The following F13A1 variants were observed in gnomAD, a reference collection of about 807,000 sequenced individuals.
F13A1 encodes the protein coagulation factor XIII A chain.
F13A1 carries 47 observed loss-of-function variants against 80.1 expected under a neutral mutation model. The ratio of observed to expected loss-of-function variants is 0.59; its 90% CI spans 0.46 to 0.75. F13A1 has a LOEUF of 0.75. Ranked by LOEUF, F13A1 falls within the 30% of genes least tolerant of loss-of-function variation. F13A1 has a pLI of 0.00. For synonymous variants in F13A1, 349 were observed against 344.9 expected, an observed-to-expected ratio of 1.01 and a Z score of -0.13; for missense variants, 817 against 930.4, an observed-to-expected ratio of 0.88 and a Z score of 1.59.
intron 4 of F13A1, among the ~76,000 whole-genome samples, chr6:6,254,653 T>C (rs992959118): frequency 5.3e-5 from 8 of 152,194 alleles, no homozygotes; most frequent in African/African-American, 1.9e-4. Context: ...CTGGGGATTC[T>C]CTAGGATTGG....
chr6:6,291,029 G>C (rs1014293582), intron 3 of F13A1, among the ~76,000 whole-genome samples: 2 of 152,026 alleles, frequency 1.3e-5, no homozygotes, highest in Non-Finnish European at 1.5e-5. Flanking sequence ...GGAAGACATA[G>C]TCTTAAAGGA....
At chr6:6,297,998 A>G (rs1303745971) in intron 3 of F13A1, among the ~76,000 whole-genome samples, 3,186 of 143,536 alleles carry the variant, frequency 0.022, 101 homozygotes, top group African/African-American at 0.074. Context: ...CCTTCATTTC[A>G]TTATGTATCC....
chr6:6,315,105 C>T (rs185369715), intron 2 of F13A1, among the ~76,000 whole-genome samples: 3 of 152,348 alleles, frequency 2.0e-5, no homozygotes, highest in Admixed American at 2.0e-4. Flanking sequence ...ATTCCAATTA[C>T]TGCTACAAAT....
chr6:6,179,446 C>G, intron 11 of F13A1, among the ~76,000 whole-genome samples: 1 of 152,144 alleles, frequency 6.6e-6, no homozygotes. Context: ...GGTATCTACA[C>G]TCAGCATTTG....
At chr6:6,266,380 C>T (rs1487996332) in intron 4 of F13A1, among the ~76,000 whole-genome samples, 178 bp downstream of exon 4, 2 of 152,116 alleles carry the variant, frequency 1.3e-5, no homozygotes, top group Non-Finnish European at 2.9e-5. Flanking sequence ...TACAGGTGTG[C>T]ACCACCACAC....
At chr6:6,212,745 C>T (rs1390015867) in intron 8 of F13A1, among the ~76,000 whole-genome samples, 1 of 152,142 alleles carries the variant, frequency 6.6e-6, no homozygotes, top group African/African-American at 2.4e-5. Flanking sequence ...TACGGGAGGA[C>T]ATTCAAACCA....
intron 8 of F13A1, 79 bp from the exon 9 acceptor site, chr6:6,197,405 C>T: frequency 7.4e-7 from 1 of 1,357,500 alleles, no homozygotes; most frequent in Non-Finnish European, 1.0e-6. Flanking sequence ...GACGGCCAGG[C>T]ACAGTGGCTC....
chr6:6,150,817 T>C (rs1303556945), intron 14 of F13A1, among the ~76,000 whole-genome samples: 1 of 152,088 alleles, frequency 6.6e-6, no homozygotes, highest in Non-Finnish European at 1.5e-5. Context: ...TGTCACACTT[T>C]AAGAGGAGTA....
chr6:6,150,417 C>T lies in F13A1; in HGVS notation c.2045+1396G>A, dbSNP rs1028812819. Among the ~76,000 whole-genome samples the T allele has an allele frequency of 4.6e-5, 7 of 152,208 alleles. No individual in the cohort carries two copies. The East Asian group carries it at 7.7e-4, about 17-fold the overall frequency. On this transcript the variant is annotated intron_variant, in intron 14 of 14. Transcript: ENST00000264870. ...GGAAGGTTGCTATGTTTTGTGCTTGCGTTGTTTCAAAAGCACTAAGATTAT... is the reference window on the plus strand; with the variant it reads ...GGAAGGTTGCTATGTTTTGTGCTTGTGTTGTTTCAAAAGCACTAAGATTAT...
intron 8 of F13A1, among the ~76,000 whole-genome samples, chr6:6,201,496 G>C (rs1464445288): frequency 6.6e-6 from 1 of 152,136 alleles, no homozygotes; most frequent in Non-Finnish European, 1.5e-5. Context: ...GAACGAGAGG[G>C]TGCTACCTCC....
At chr6:6,176,657 A>G (rs1561644226) in intron 11 of F13A1, among the ~76,000 whole-genome samples, 1 of 152,202 alleles carries the variant, frequency 6.6e-6, no homozygotes, top group Non-Finnish European at 1.5e-5. Flanking sequence ...AGAAAAAGGG[A>G]AGGAGGAGTG....
intron 11 of F13A1, among the ~76,000 whole-genome samples, chr6:6,178,173 G>A (rs1478645117): frequency 6.6e-6 from 1 of 152,058 alleles, no homozygotes; most frequent in African/African-American, 2.4e-5. Flanking sequence ...GTGGAATTGG[G>A]AAGCTAGAGC....
At chr6:6,295,369 AAATT>A in intron 3 of F13A1, among the ~76,000 whole-genome samples, 1 of 123,426 alleles carries the variant, frequency 8.1e-6, no homozygotes, top group Non-Finnish European at 1.7e-5. Flanking sequence ...CAACAGTGTA[AAATT>A]GTTCCTATTT....
chr6:6,307,419 T>C (rs962715102), intron 2 of F13A1, among the ~76,000 whole-genome samples: 18 of 152,326 alleles, frequency 1.2e-4, no homozygotes, highest in African/African-American at 4.3e-4. Flanking sequence ...CTAAGTCCTC[T>C]GGTCTTATTA....
chr6:6,313,583 T>C (rs1043888310), intron 2 of F13A1, among the ~76,000 whole-genome samples: 22 of 152,306 alleles, frequency 1.4e-4, no homozygotes, highest in African/African-American at 5.3e-4. Flanking sequence ...TAGGTTTATA[T>C]ACTAGGAATT....
At chr6:6,303,303 A>G (rs1340290364) in intron 3 of F13A1, among the ~76,000 whole-genome samples, 1 of 152,186 alleles carries the variant, frequency 6.6e-6, no homozygotes, top group African/African-American at 2.4e-5. Flanking sequence ...AGTCCAAAAA[A>G]CCAAAACCAA....
At chr6:6,176,709 C>A (rs567761410) in intron 11 of F13A1, among the ~76,000 whole-genome samples, 1 of 152,308 alleles carries the variant, frequency 6.6e-6, no homozygotes, top group East Asian at 1.9e-4. Context: ...CAGAAATCAT[C>A]TGGCCAATAG....
chr6:6,232,524 T>C (rs937886994), intron 6 of F13A1, among the ~76,000 whole-genome samples: 71 of 152,172 alleles, frequency 4.7e-4, no homozygotes, highest in Non-Finnish European at 7.4e-5. Context: ...AGTACTCCAC[T>C]GACAGCACTA....
At chr6:6,286,465 T>C (rs1159003132) in intron 3 of F13A1, among the ~76,000 whole-genome samples, 1 of 152,220 alleles carries the variant, frequency 6.6e-6, no homozygotes, top group East Asian at 1.9e-4. Context: ...CTTTTCCAAG[T>C]GTATTTTCTT....
Sources: gnomAD v4.1 joint callset for allele counts (sites outside exome capture counted in the v4.1 genomes callset) on GRCh38, gnomAD v4.1.1 for gene constraint, MANE v1.5 for transcripts, NCBI Gene and HGNC (gene_info 2026-07-23, HGNC 2026-07-21) for gene names.